Variants in CTNNA2 observed in about 807,000 individuals in gnomAD.
CTNNA2 encodes the protein catenin alpha-2.
Under a neutral mutation model 101.0 loss-of-function variants are expected in CTNNA2, and 42 were observed. The ratio of observed to expected loss-of-function variants is 0.42; its 90% confidence interval spans 0.32 to 0.54. CTNNA2 has a LOEUF of 0.54. Ranked by LOEUF, CTNNA2 falls within the 20% of genes least tolerant of loss-of-function variation. The pLI is 0.14. For missense variants in CTNNA2, 871 were observed against 1,223.1 expected (o/e 0.71, Z 4.29); for synonymous variants, 450 against 456.4 (o/e 0.99, Z 0.18).
At chr2:79,524,766 G>C (rs1034418537) in intron 1 of CTNNA2, 2 of 151,834 alleles carry the variant, frequency 1.3e-5, no homozygotes, top group Admixed American at 6.6e-5. Context: ...CTTTTCCATA[G>C]TAACGTAAGT....
chr2:79,701,997 C>CAAAAAAAAAA, intron 2 of CTNNA2, among the ~76,000 whole-genome samples: 1 of 75,434 alleles, frequency 1.3e-5, no homozygotes, highest in Non-Finnish European at 2.5e-5. Flanking sequence ...GACTCTGTCT[C>CAAAAAAAAAA]AAAAAAAAAA....
At chr2:79,773,322 C>A (rs1673725558) in intron 3 of CTNNA2, among the ~76,000 whole-genome samples, 1 of 152,230 alleles carries the variant, frequency 6.6e-6, no homozygotes, top group Admixed American at 6.5e-5. Context: ...TCCCATGACA[C>A]TGCCTCAGGA....
chr2:80,261,162 T>C (rs917263848), intron 7 of CTNNA2, among the ~76,000 whole-genome samples: 3 of 152,224 alleles, frequency 2.0e-5, no homozygotes, highest in Admixed American at 1.3e-4. Flanking sequence ...TACATAAATA[T>C]GGCTCTCCTC....
At chr2:80,520,572 G>A (rs1689461337) in intron 9 of CTNNA2, among the ~76,000 whole-genome samples, 1 of 152,096 alleles carries the variant, frequency 6.6e-6, no homozygotes, top group Admixed American at 6.5e-5. Context: ...AGTTGCAGGT[G>A]GCTAACTCCT....
At chr2:79,967,570 C>T (rs969325161) in intron 7 of CTNNA2, among the ~76,000 whole-genome samples, 3 of 152,146 alleles carry the variant, frequency 2.0e-5, no homozygotes, top group Admixed American at 6.5e-5. Flanking sequence ...TGAGCCTTCT[C>T]GAATAAAATC....
intron 7 of CTNNA2, among the ~76,000 whole-genome samples, chr2:80,122,240 A>G (rs1293390217): frequency 5.0e-5 from 6 of 120,072 alleles, no homozygotes; most frequent in African/African-American, 1.6e-4. Flanking sequence ...CTCTTTCTCT[A>G]TCTCTCTTCC....
chr2:79,337,612 C>A (rs1193871525), intron 3 of CTNNA2, among the ~76,000 whole-genome samples: 2 of 152,084 alleles, frequency 1.3e-5, no homozygotes, highest in Admixed American at 6.6e-5. Flanking sequence ...AACTATACAA[C>A]CCTAGAGAAG....
intron 7 of CTNNA2, among the ~76,000 whole-genome samples, chr2:79,963,714 T>C (rs1359669058): frequency 6.6e-6 from 1 of 152,228 alleles, no homozygotes; most frequent in African/African-American, 2.4e-5. Flanking sequence ...AACAATGGGC[T>C]AAGTAATTAC....
intron 7 of CTNNA2, among the ~76,000 whole-genome samples, chr2:80,253,627 C>T (rs1217774294): frequency 6.6e-6 from 1 of 152,150 alleles, no homozygotes; most frequent in African/African-American, 2.4e-5. Context: ...CTCTCTTCAA[C>T]CTTTCTTTTT....
intron 2 of CTNNA2, among the ~76,000 whole-genome samples, chr2:79,704,744 A>C (rs1452842072): frequency 1.3e-5 from 2 of 151,492 alleles, no homozygotes; most frequent in Non-Finnish European, 2.9e-5. Context: ...CCATCTCCTG[A>C]CCTCGTCATC....
At chr2:80,150,732 C>CAGAA (rs544899482) in intron 7 of CTNNA2, among the ~76,000 whole-genome samples, 65 of 152,146 alleles carry the variant, frequency 4.3e-4, no homozygotes, top group Non-Finnish European at 6.9e-4. Context: ...TGCCTACTTA[C>CAGAA]AGAAGTATGC....
intron 2 of CTNNA2, among the ~76,000 whole-genome samples, chr2:79,724,697 C>T (rs1394219355): frequency 6.6e-6 from 1 of 151,500 alleles, no homozygotes; most frequent in Non-Finnish European, 1.5e-5. Flanking sequence ...CGCCTGTAGT[C>T]CCAGCTACTT....
chr2:80,374,952 T>G (rs1195707797), intron 7 of CTNNA2, among the ~76,000 whole-genome samples: 1 of 151,924 alleles, frequency 6.6e-6, no homozygotes, highest in Non-Finnish European at 1.5e-5. Context: ...CAATAAACAC[T>G]TACTTAGTGG....
intron 7 of CTNNA2, among the ~76,000 whole-genome samples, chr2:79,954,247 C>T (rs1268942414): frequency 6.6e-6 from 1 of 152,148 alleles, no homozygotes; most frequent in Non-Finnish European, 1.5e-5. Context: ...ATTTTGCTAC[C>T]TCAACACGTG....
intron 7 of CTNNA2, among the ~76,000 whole-genome samples, chr2:80,226,706 G>A (rs1264276477): frequency 6.6e-6 from 1 of 152,142 alleles, no homozygotes; most frequent in Non-Finnish European, 1.5e-5. Context: ...ACCTGATGGA[G>A]GTCCTGAGTG....
chr2:79,374,077 A>T (rs1004585335), intron 4 of CTNNA2: 8 of 152,998 alleles, frequency 5.2e-5, no homozygotes, highest in Non-Finnish European at 8.8e-5. Context: ...AATTCCAATT[A>T]AGAATATTTC....
chr2:79,220,771 C>G (rs1454793482), intron 2 of CTNNA2, among the ~76,000 whole-genome samples: 1 of 152,120 alleles, frequency 6.6e-6, no homozygotes, highest in Non-Finnish European at 1.5e-5. Flanking sequence ...CTAGCATGAC[C>G]TTAGCCAAAT....
chr2:80,273,499 C>T (rs1033197262), intron 7 of CTNNA2, among the ~76,000 whole-genome samples: 6 of 152,136 alleles, frequency 3.9e-5, no homozygotes, highest in African/African-American at 1.4e-4. Flanking sequence ...AAATCTAAAT[C>T]TGAGATGTCA....
At chr2:79,382,909 C>G (rs991972139) in intron 4 of CTNNA2, among the ~76,000 whole-genome samples, 1 of 152,186 alleles carries the variant, frequency 6.6e-6, no homozygotes, top group African/African-American at 2.4e-5. Flanking sequence ...CCACCACGCC[C>G]AGCCATAAAC....
Sources: allele counts gnomAD v4.1 joint callset (sites outside exome capture counted in the v4.1 genomes callset), GRCh38; gene constraint gnomAD v4.1.1; transcripts MANE v1.5; gene names NCBI Gene and HGNC (gene_info 2026-07-23, HGNC 2026-07-21).